Variants in PTPRT observed in about 807,000 individuals in gnomAD.
The protein encoded by PTPRT is protein tyrosine phosphatase receptor type T.
In PTPRT, 56 loss-of-function variants were observed where a neutral mutation model predicts 176.8. The ratio of observed to expected loss-of-function variants is 0.32; its 90% CI spans 0.26 to 0.40. The LOEUF (loss-of-function observed/expected upper bound fraction) is 0.40. Ranked by LOEUF, PTPRT falls within the 10% of genes least tolerant of loss-of-function variation. The probability of loss-of-function intolerance (pLI) is 1.00; values close to 1 mark genes in which losing one functional copy is unlikely to be tolerated. For synonymous variants in PTPRT, 783 were observed against 739.0 expected (o/e 1.06, Z -0.96); for missense variants, 1,540 against 1,908.2 (o/e 0.81, Z 3.60).
the PTPRT span, chr20:42,063,943 A>G: frequency 2.6e-5 from 4 of 152,082 alleles, no homozygotes; most frequent in South Asian, 2.1e-4. Flanking sequence ...AACATTGACA[A>G]TGTATATACT....
chr20:43,123,590 A>G (rs2146364033), intron 1 of PTPRT, among the ~76,000 whole-genome samples: 1 of 152,326 alleles, frequency 6.6e-6, no homozygotes. Flanking sequence ...AGATGAGAAA[A>G]CTGGAAAGAG....
chr20:42,057,313 G>C, the PTPRT span, among the ~76,000 whole-genome samples: 3 of 152,106 alleles, frequency 2.0e-5, no homozygotes, highest in African/African-American at 7.2e-5. Flanking sequence ...GAGGTCTAGA[G>C]ACAGGATGAT....
At chr20:42,537,897 A>G (rs150882930) in intron 7 of PTPRT, among the ~76,000 whole-genome samples, 67 of 152,346 alleles carry the variant, frequency 4.4e-4, no homozygotes, top group Non-Finnish European at 7.5e-4. Flanking sequence ...ATTCATCAGC[A>G]TAAGGTATAC....
chr20:42,195,509 C>T (rs1350773954), intron 16 of PTPRT, among the ~76,000 whole-genome samples: 1 of 96,370 alleles, frequency 1.0e-5, no homozygotes, highest in Non-Finnish European at 2.1e-5. Flanking sequence ...CCCAGTGGTT[C>T]CACAGGGCAT....
At chr20:42,530,911 C>T (rs531570862) in intron 7 of PTPRT, among the ~76,000 whole-genome samples, 1 of 152,304 alleles carries the variant, frequency 6.6e-6, no homozygotes, top group South Asian at 2.1e-4. Context: ...CAGCACCTTC[C>T]CTGTGACACA....
chr20:42,831,192 T>C (rs552729690), intron 2 of PTPRT, among the ~76,000 whole-genome samples: 1 of 152,126 alleles, frequency 6.6e-6, no homozygotes, highest in South Asian at 2.1e-4. Context: ...TATAGACCAA[T>C]GAAACGTAAT....
chr20:42,049,938 C>T, the PTPRT span, among the ~76,000 whole-genome samples: 2 of 152,202 alleles, frequency 1.3e-5, no homozygotes, highest in African/African-American at 4.8e-5. Flanking sequence ...CTCCTATCCC[C>T]CCACCATCCT....
chr20:42,266,459 C>T (rs534978098), intron 13 of PTPRT, among the ~76,000 whole-genome samples: 4 of 152,302 alleles, frequency 2.6e-5, no homozygotes, highest in African/African-American at 9.6e-5. Flanking sequence ...AAGAGGCCTT[C>T]TTTCTGCACT....
At chr20:42,805,782 GA>G (rs1569166554) in intron 2 of PTPRT, among the ~76,000 whole-genome samples, 1 of 152,082 alleles carries the variant, frequency 6.6e-6, no homozygotes, top group African/African-American at 2.4e-5. Flanking sequence ...GTGCATTTCT[GA>G]TGCTGCATCA....
intron 4 of PTPRT, among the ~76,000 whole-genome samples, chr20:42,774,341 C>A (rs1885832): frequency 0.16 from 24,891 of 151,958 alleles, 2,251 homozygotes; most frequent in African/African-American, 0.2. Flanking sequence ...ACTGAGGAGA[C>A]AATAAGGAGT....
chr20:42,092,582 T>C (rs1331708314), intron 27 of PTPRT, among the ~76,000 whole-genome samples: 1 of 152,206 alleles, frequency 6.6e-6, no homozygotes, highest in Non-Finnish European at 1.5e-5. Flanking sequence ...CTGTTACCCC[T>C]ACCATTCTGG....
intron 9 of PTPRT, among the ~76,000 whole-genome samples, chr20:42,366,588 T>TA (rs1333585955): frequency 6.6e-6 from 1 of 152,186 alleles, no homozygotes; most frequent in Non-Finnish European, 1.5e-5. Flanking sequence ...GACATGCCCC[T>TA]ACAAGCAATG....
chr20:42,502,575 C>T (rs892801735), intron 7 of PTPRT, among the ~76,000 whole-genome samples: 1 of 152,012 alleles, frequency 6.6e-6, no homozygotes. Context: ...ACGTTTTTGA[C>T]AACAGTTATC....
chr20:42,564,113 T>C (rs1372144105), intron 7 of PTPRT, among the ~76,000 whole-genome samples: 2 of 152,118 alleles, frequency 1.3e-5, no homozygotes, highest in East Asian at 3.9e-4. Context: ...CACTAAAACA[T>C]AACCACAGGG....
At chr20:43,109,927 A>G (rs1365118612) in intron 1 of PTPRT, among the ~76,000 whole-genome samples, 2 of 152,238 alleles carry the variant, frequency 1.3e-5, no homozygotes, top group Admixed American at 1.3e-4. Context: ...AGATGAGTCA[A>G]GAACAGAGGC....
At chr20:42,825,856 G>A (rs2077983616) in intron 2 of PTPRT, among the ~76,000 whole-genome samples, 1 of 152,048 alleles carries the variant, frequency 6.6e-6, no homozygotes, top group Non-Finnish European at 1.5e-5. Context: ...AGGTAAGAAA[G>A]CAGAATACAA....
intron 7 of PTPRT, among the ~76,000 whole-genome samples, chr20:42,587,843 A>T (rs555482856): frequency 6.6e-6 from 1 of 152,148 alleles, no homozygotes; most frequent in African/African-American, 2.4e-5. Flanking sequence ...AGTCCCACAG[A>T]CCTGAGTTCA....
At chr20:42,240,437 C>T (rs181464129) in intron 14 of PTPRT, among the ~76,000 whole-genome samples, 1 of 152,290 alleles carries the variant, frequency 6.6e-6, no homozygotes, top group African/African-American at 2.4e-5. Context: ...AGGAAGACAG[C>T]TGTGCTTAGA....
At chr20:42,354,194 C>G (rs2058327288) in intron 9 of PTPRT, among the ~76,000 whole-genome samples, 1 of 152,204 alleles carries the variant, frequency 6.6e-6, no homozygotes. Flanking sequence ...CCTCACACTC[C>G]CTTGCAATCC....
Sources: allele counts gnomAD v4.1 joint callset (sites outside exome capture counted in the v4.1 genomes callset), GRCh38; gene constraint gnomAD v4.1.1; transcripts MANE v1.5; gene names NCBI Gene and HGNC (gene_info 2026-07-23, HGNC 2026-07-21).